The following COBLL1 variants were observed in gnomAD, a reference collection of about 807,000 sequenced individuals.
COBLL1 encodes cordon-bleu protein-like 1.
Under a neutral mutation model 94.8 loss-of-function variants are expected in COBLL1, and 50 were observed. That is an observed-to-expected ratio of 0.53 (90% CI 0.42 to 0.67). The LOEUF (loss-of-function observed/expected upper bound fraction) is 0.67. Ranked by LOEUF, COBLL1 falls within the 30% of genes least tolerant of loss-of-function variation. The pLI, the probability that COBLL1 is intolerant of heterozygous loss-of-function variation, is 0.00. For missense variants in COBLL1, 1,362 were observed against 1,348.7 expected, an observed-to-expected ratio of 1.01 and a Z score of -0.15; for synonymous variants, 448 against 473.8, an observed-to-expected ratio of 0.95 and a Z score of 0.71.
Position 164,759,271 on chromosome 2 carries a change from T to C in COBLL1, c.42-15396A>G, listed in dbSNP as rs116506342. On this transcript the variant is annotated intron_variant, in intron 2 of 13. Coordinates refer to ENST00000652658, the MANE Select transcript of COBLL1 (RefSeq NM_001365672.2). ...CCACATACTGATAAAGAAAACTCCC[T>C]GAAATAAATTTGCCAAAATAATTTT... 3.0e-3 allele frequency among the ~76,000 whole-genome samples: 451 copies of C among 152,268 alleles called. 1 individual carries two copies. Among genetic ancestry groups the C allele is most frequent in the African/African-American group, 9.9e-3 (412 of 41,562 alleles).
chr2:164,697,454 A>G (rs1163794333), intron 11 of COBLL1: 1 of 152,166 alleles, frequency 6.6e-6, no homozygotes, highest in Non-Finnish European at 1.5e-5. Flanking sequence ...TGTTCATATG[A>G]AAAACACTAT....
chr2:164,815,591 A>G (rs1684691549), intron 2 of COBLL1, among the ~76,000 whole-genome samples: 1 of 152,180 alleles, frequency 6.6e-6, no homozygotes, highest in Admixed American at 6.6e-5. Context: ...GGGATAAAAC[A>G]TGAACCCTAT....
intron 2 of COBLL1, among the ~76,000 whole-genome samples, chr2:164,799,910 G>A (rs547220205): frequency 6.6e-6 from 1 of 152,244 alleles, no homozygotes; most frequent in South Asian, 2.1e-4. Context: ...TGAATCCAGA[G>A]CTAAAGCTTA....
At position 164,719,206 on chromosome 2, in the gene COBLL1, G is replaced by GA. The variant is rs200176533; in HGVS notation, c.996+2868dup. 1.6e-3 allele frequency among the ~76,000 whole-genome samples: 242 copies of GA among 148,626 alleles called. 1 individual carries two copies. The highest frequency in any genetic ancestry group is 3.5e-3 in the African/African-American group (143 of 40,518). On this transcript the variant is annotated intron_variant, in intron 7 of 13. Coordinates refer to ENST00000652658, the MANE Select transcript of COBLL1 (RefSeq NM_001365672.2). Reference sequence around the variant, plus strand: ...ATTTGTCTCTAATTAGATGTAAAAAGAAAAAAAAACAAAGATGAACTTGAG... The same window carrying GA: ...ATTTGTCTCTAATTAGATGTAAAAAGAAAAAAAAAACAAAGATGAACTTGAG...
chr2:164,658,446 C>T (rs1691013438), intron 2 of COBLL1, among the ~76,000 whole-genome samples: 1 of 152,100 alleles, frequency 6.6e-6, no homozygotes, highest in African/African-American at 2.4e-5. Context: ...TAGTCATGGA[C>T]TGCATCTGGG....
At chr2:164,776,791 T>C (rs984371740) in intron 2 of COBLL1, among the ~76,000 whole-genome samples, 3 of 152,128 alleles carry the variant, frequency 2.0e-5, no homozygotes, top group East Asian at 1.9e-4. Flanking sequence ...ACTATTTATA[T>C]AAATTGTGAT....
chr2:164,759,805 G>T (rs355829), intron 2 of COBLL1, among the ~76,000 whole-genome samples: 17,224 of 152,098 alleles, frequency 0.11, 1,043 homozygotes, highest in Middle Eastern at 0.16. Flanking sequence ...CACAAAAATA[G>T]GTTTAACAAC....
intron 9 of COBLL1, among the ~76,000 whole-genome samples, chr2:164,701,366 A>T (rs1266405972): frequency 1.3e-5 from 2 of 152,214 alleles, no homozygotes; most frequent in African/African-American, 4.8e-5. Flanking sequence ...CTAGATGCTT[A>T]ATTTGTGAAA....
At chr2:164,760,364 A>T (rs1687619313) in intron 2 of COBLL1, among the ~76,000 whole-genome samples, 1 of 152,200 alleles carries the variant, frequency 6.6e-6, no homozygotes, top group Admixed American at 6.5e-5. Context: ...CACAGAAAAC[A>T]GATCAATGGC....
intron 2 of COBLL1, among the ~76,000 whole-genome samples, chr2:164,801,439 A>C (rs946625954): frequency 5.3e-5 from 2 of 37,580 alleles, no homozygotes; most frequent in African/African-American, 3.3e-4. Flanking sequence ...ACTCCGTCTC[A>C]AAAAAAAAAA....
intron 9 of COBLL1, chr2:164,703,770 A>G (rs969516692): frequency 7.5e-6 from 2 of 267,096 alleles, no homozygotes; most frequent in African/African-American, 4.7e-5. Context: ...GCATAATCAT[A>G]TTCTATTTTT....
At chr2:164,837,591 A>G (rs1038172677) in intron 2 of COBLL1, 3 of 407,628 alleles carry the variant, frequency 7.4e-6, no homozygotes, top group African/African-American at 2.1e-5. Flanking sequence ...ATCACTATGT[A>G]AGTTAAACCA....
chr2:164,676,332 T>C (rs1024793645), downstream of COBLL1, among the ~76,000 whole-genome samples: 1 of 152,092 alleles, frequency 6.6e-6, no homozygotes, highest in Admixed American at 6.6e-5. Context: ...CTGTCAGCTA[T>C]AAAAAATATA....
At chr2:164,755,930 T>C (rs1687376539) in intron 2 of COBLL1, among the ~76,000 whole-genome samples, 1 of 152,198 alleles carries the variant, frequency 6.6e-6, no homozygotes, top group Non-Finnish European at 1.5e-5. Flanking sequence ...TTAGTTATCA[T>C]TTCAGACCTT....
At chr2:164,754,378 G>C (rs1456895033) in intron 2 of COBLL1, among the ~76,000 whole-genome samples, 1 of 152,176 alleles carries the variant, frequency 6.6e-6, no homozygotes, top group Admixed American at 6.5e-5. Context: ...GTGATTGGCT[G>C]TCATTTCTGA....
At chr2:164,779,129 T>C (rs908759074) in intron 2 of COBLL1, among the ~76,000 whole-genome samples, 1 of 152,176 alleles carries the variant, frequency 6.6e-6, no homozygotes. Flanking sequence ...GTTTTGTTTT[T>C]CCCTATCCAA....
chr2:164,686,768 C>T (rs779071631), intron 13 of COBLL1, among the ~76,000 whole-genome samples: 3 of 151,926 alleles, frequency 2.0e-5, no homozygotes, highest in Non-Finnish European at 2.9e-5. Context: ...TAGTAAATAC[C>T]TATATTTTGA....
chr2:164,826,822 C>T (rs568330198), intron 2 of COBLL1, among the ~76,000 whole-genome samples: 3 of 152,072 alleles, frequency 2.0e-5, no homozygotes, highest in Non-Finnish European at 4.4e-5. Flanking sequence ...GAGTATTAGG[C>T]TTACTTAAAA....
At chr2:164,787,297 G>A (rs1682900071) in intron 2 of COBLL1, among the ~76,000 whole-genome samples, 1 of 152,122 alleles carries the variant, frequency 6.6e-6, no homozygotes, top group African/African-American at 2.4e-5. Context: ...CATCAGAAAA[G>A]TCAAACATAT....
Sources: gnomAD v4.1 joint callset for allele counts (sites outside exome capture counted in the v4.1 genomes callset) on GRCh38, gnomAD v4.1.1 for gene constraint, MANE v1.5 for transcripts, NCBI Gene and HGNC (gene_info 2026-07-23, HGNC 2026-07-21) for gene names.